VAV2: variants seen among roughly 807,000 people sequenced by gnomAD.
The protein encoded by VAV2 is vav guanine nucleotide exchange factor 2, also known as guanine nucleotide exchange factor VAV2.
In VAV2, 67 loss-of-function variants were observed where a neutral mutation model predicts 132.5. The observed-to-expected ratio is 0.51, with a 90% CI of 0.42 to 0.62. The LOEUF (loss-of-function observed/expected upper bound fraction) is 0.62. Ranked by LOEUF, VAV2 falls within the 20% of genes least tolerant of loss-of-function variation. The pLI is 0.00. For synonymous variants in VAV2, 492 were observed against 443.5 expected (o/e 1.11, Z -1.37); for missense variants, 938 against 1,153.6 (o/e 0.81, Z 2.71).
chr9:133,972,505 G>A (rs958955645), intron 1 of VAV2, among the ~76,000 whole-genome samples: 7 of 152,160 alleles, frequency 4.6e-5, no homozygotes, highest in South Asian at 2.1e-4. Context: ...ACTCTTTGCC[G>A]CTGGCTCCCG....
At position 133,790,832 on chromosome 9, in the gene VAV2, T is replaced by C. The variant is rs947753345; in HGVS notation, c.1188+951A>G. Among the ~76,000 whole-genome samples, 3 of 152,098 alleles carry C rather than the reference T, an allele frequency of 2.0e-5. No individual in the cohort carries two copies. In the East Asian group the frequency reaches 5.8e-4, roughly 29 times the overall value. ...TTGTGCTGCTGGCACCGGGTGGGTG[T>C]GGCCTGGCCATCGGGGACCTTCCCC... On this transcript the variant is annotated intron_variant, in intron 13 of 29. Coordinates refer to ENST00000371850, the MANE Select transcript of VAV2 (RefSeq NM_001134398.2).
intron 4 of VAV2, among the ~76,000 whole-genome samples, chr9:133,820,686 C>T (rs10993815): frequency 0.2 from 30,144 of 152,128 alleles, 3,607 homozygotes; most frequent in African/African-American, 0.33. Flanking sequence ...ACCTGGAAGG[C>T]AGGTTCACTT....
At chr9:133,814,115 G>T (rs1298326997) in intron 4 of VAV2, among the ~76,000 whole-genome samples, 1 of 152,230 alleles carries the variant, frequency 6.6e-6, no homozygotes, top group East Asian at 1.9e-4. Context: ...CCCACATTCT[G>T]GTGACAGAGG....
Position 133,800,000 on chromosome 9 carries a change from C to T in VAV2, c.837-2191G>A, listed in dbSNP as rs372651871. 2.6e-5 allele frequency among the ~76,000 whole-genome samples: 4 copies of T among 152,320 alleles called. No homozygotes were observed. In the South Asian group the frequency reaches 8.3e-4, roughly 32 times the overall value. On this transcript the variant is annotated intron_variant, in intron 9 of 29. Coordinates refer to ENST00000371850, the MANE Select transcript of VAV2 (RefSeq NM_001134398.2). ...AAGACACGCCACACACACTGGGCATCACTTGGTGCCAGGACCTGGGCTGGA... is the reference window on the plus strand; with the variant it reads ...AAGACACGCCACACACACTGGGCATTACTTGGTGCCAGGACCTGGGCTGGA...
At chr9:133,971,000 C>T (rs2132256457) in intron 1 of VAV2, among the ~76,000 whole-genome samples, 1 of 152,310 alleles carries the variant, frequency 6.6e-6, no homozygotes, top group Admixed American at 6.5e-5. Flanking sequence ...CTATCTTTTC[C>T]TTTTTGAAAT....
intron 12 of VAV2, among the ~76,000 whole-genome samples, chr9:133,793,451 C>A (rs183676481): frequency 1.3e-5 from 2 of 152,152 alleles, no homozygotes; most frequent in Non-Finnish European, 2.9e-5. Context: ...GGCTGCAGCA[C>A]GCTGTCTGAA....
chr9:133,935,130 G>A lies in VAV2; in HGVS notation c.321+3973C>T, dbSNP rs1840858057. 6.6e-6 allele frequency among the ~76,000 whole-genome samples: 1 copy of A among 152,156 alleles called. No homozygotes were observed. The highest frequency in any genetic ancestry group is 6.5e-5 in the Admixed American group (1 of 15,284). ...CGTCCTGGGCAGGCCAAGGGTGGGA[G>A]GAACAGGGGGAGGGCACGCAGCCAT... On this transcript the variant is annotated intron_variant, in intron 2 of 29. Coordinates refer to ENST00000371850, the MANE Select transcript of VAV2 (RefSeq NM_001134398.2). The surrounding 1 kb of genome is among the most constrained non-coding windows in gnomAD (Gnocchi z 5.2).
At chr9:133,902,958 C>T (rs1467469346) in intron 2 of VAV2, among the ~76,000 whole-genome samples, 2 of 151,822 alleles carry the variant, frequency 1.3e-5, no homozygotes, top group East Asian at 1.9e-4. Context: ...ACCTGTAATC[C>T]CAGCTACTAG....
At chr9:133,815,756 T>C (rs568814201) in intron 4 of VAV2, among the ~76,000 whole-genome samples, 1 of 152,348 alleles carries the variant, frequency 6.6e-6, no homozygotes, top group East Asian at 1.9e-4. Flanking sequence ...AAAGCTGCTA[T>C]ATGAGCATTC....
intron 2 of VAV2, among the ~76,000 whole-genome samples, chr9:133,871,127 G>T (rs550838150): frequency 5.8e-4 from 82 of 140,384 alleles, no homozygotes; most frequent in African/African-American, 2.4e-3. Context: ...TGGGTGAACA[G>T]ATGGATGGAT....
At chr9:133,909,564 G>C (rs1181472763) in intron 2 of VAV2, among the ~76,000 whole-genome samples, 19 of 152,176 alleles carry the variant, frequency 1.2e-4, no homozygotes, top group Admixed American at 1.2e-3. Flanking sequence ...AGGTTCGCGA[G>C]GATGGAAGGC....
rs1239616084 is a variant in VAV2 at position 133,772,040 on chromosome 9, A to G, written c.2142T>C (p.Asn714=). Residue 714 remains asparagine (N), a synonymous_variant, in exon 26 of 30, where the codon AAT becomes AAC. Transcript: ENST00000371850. ...AERFAISIKF[N]DEVKHIKVVE... ...CCACCTTGATGTGCTTCACCTCATCATTGAACCTGAGCAAACACACGGCCC... is the reference window on the plus strand; with the variant it reads ...CCACCTTGATGTGCTTCACCTCATCGTTGAACCTGAGCAAACACACGGCCC... The G allele has an allele frequency of 1.7e-6, 2 of 1,170,840 alleles. No homozygotes were observed. Among genetic ancestry groups the G allele is most frequent in the African/African-American group, 2.1e-5 (1 of 47,956 alleles). 72.5% of individuals were successfully genotyped at this position (1,170,840 alleles called of 1,614,324 possible).
chr9:133,867,123 A>G (rs1457136223), intron 2 of VAV2, among the ~76,000 whole-genome samples: 8 of 152,136 alleles, frequency 5.3e-5, no homozygotes, highest in African/African-American at 1.2e-4. Context: ...GAGTGAGGAC[A>G]CGGCCATGGG....
rs943153562 is a variant in VAV2, at chr9:133,768,313, G to A, written c.2589+129C>T. 17 of 1,304,888 alleles carry A rather than the reference G, an allele frequency of 1.3e-5. No individual in the cohort carries two copies. Among genetic ancestry groups the A allele is most frequent in the Non-Finnish European group, 1.7e-5 (16 of 963,272 alleles). The allele number at this position is 1,304,888 out of a possible 1,614,324, so 80.8% of individuals were successfully genotyped here. A position where few individuals can be genotyped will look rare whatever the true frequency, so the allele number is the denominator to read the frequency against. ...CCTTCTGGGCTGCTGTGAGGATGAG[G>A]GAGATTGCAGAGGGTGTCTGGAACA... On this transcript the variant is annotated intron_variant, in intron 29 of 29. Coordinates refer to ENST00000371850, the MANE Select transcript of VAV2 (RefSeq NM_001134398.2). This position sits in a 1 kb window ranked among gnomAD's most constrained non-coding sequence, Gnocchi z 5.3.
In VAV2 at chr9:133,806,133, C is replaced by T. The variant is rs759504644; in HGVS notation, c.784G>A (p.Val262Met). 7 of 1,613,048 alleles carry T rather than the reference C, an allele frequency of 4.3e-6. No individual in the cohort carries two copies. Among genetic ancestry groups the T allele is most frequent in the African/African-American group, 2.7e-5 (2 of 75,062 alleles). Residue 262 changes from valine (V) to methionine (M), a missense_variant, in exon 9 of 30, where the codon GTG becomes ATG. By Grantham distance (21) the Val-to-Met change is conservative (BLOSUM62 1). Coordinates refer to ENST00000371850, the MANE Select transcript of VAV2 (RefSeq NM_001134398.2). Reference protein sequence around the residue: ...HSFLRAIDVSVMVGGSTLAKV... With the variant: ...HSFLRAIDVSMMVGGSTLAKV... ...GCCAGCGTGCTGCCCCCCACCATCACGGACACGTCGATGGCCCTCAGGAAG... is the reference window on the plus strand; with the variant it reads ...GCCAGCGTGCTGCCCCCCACCATCATGGACACGTCGATGGCCCTCAGGAAG...
At chr9:133,878,594 C>T (rs150068717) in intron 2 of VAV2, among the ~76,000 whole-genome samples, 1 of 152,210 alleles carries the variant, frequency 6.6e-6, no homozygotes, top group Non-Finnish European at 1.5e-5. Context: ...CCTCCACCAC[C>T]GCCAAGTCCT....
chr9:133,817,001 G>A (rs74612969), intron 4 of VAV2, among the ~76,000 whole-genome samples: 1,592 of 152,244 alleles, frequency 0.01, 36 homozygotes, highest in African/African-American at 0.037. Flanking sequence ...CTTTACAACC[G>A]TCTTGTCAAT....
At chr9:133,965,448 A>C (rs533632773) in intron 1 of VAV2, among the ~76,000 whole-genome samples, 33 of 151,924 alleles carry the variant, frequency 2.2e-4, no homozygotes, top group Admixed American at 5.9e-4. Context: ...GCAATGAGCC[A>C]AGATCATGCC....
rs559329948 is a variant in VAV2, at chr9:133,858,574, T to A, written c.380+2800A>T. 7.2e-5 allele frequency among the ~76,000 whole-genome samples: 11 copies of A among 152,208 alleles called. 1 individual carries two copies. In the South Asian group the frequency reaches 2.3e-3, roughly 32 times the overall value. On this transcript the variant is annotated intron_variant, in intron 3 of 29. Transcript: ENST00000371850. The stretch of plus-strand genomic sequence containing the variant: ...GGTGAATCTGAGAACCTGAGGATGG[T>A]CTTGGGGACCCCACACACACCCTGC...
Sources: gnomAD v4.1 joint callset for allele counts (sites outside exome capture counted in the v4.1 genomes callset) on GRCh38, gnomAD v4.1.1 for gene constraint, Gnocchi (gnomAD v3.1) non-coding constraint, MANE v1.5 for transcripts, NCBI Gene and HGNC (gene_info 2026-07-23, HGNC 2026-07-21) for gene names.